DTNBP1: variants seen among roughly 807,000 people sequenced by gnomAD.
DTNBP1 encodes the protein dystrobrevin binding protein 1.
In DTNBP1, 35 loss-of-function variants were observed where a neutral mutation model predicts 42.8. That is an observed-to-expected ratio of 0.82 (90% CI 0.63 to 1.09). The LOEUF is 1.09. Ranked by LOEUF, DTNBP1 falls within the 50% of genes least tolerant of loss-of-function variation. DTNBP1 has a pLI of 0.00. For missense variants in DTNBP1, 457 were observed against 424.2 expected (o/e 1.08, Z -0.68); for synonymous variants, 171 against 162.2 (o/e 1.05, Z -0.41).
chr6:15,579,692 C>G (rs12210505), intron 7 of DTNBP1: 38,071 of 264,818 alleles, frequency 0.14, 3,208 homozygotes, highest in East Asian at 0.3. Flanking sequence ...GTAATCCCAG[C>G]TATTTGGGAG....
At position 15,630,267 on chromosome 6, in the gene DTNBP1, G is replaced by A. The variant is rs148263609; in HGVS notation, c.223-2792C>T. On this transcript the variant is annotated intron_variant, in intron 4 of 9. Transcript: ENST00000344537. ...AAGTTTGATAAGCAGAATAAGTAGTGTTAAGCCATTTTATAGATGAGAAAA... is the reference window on the plus strand; with the variant it reads ...AAGTTTGATAAGCAGAATAAGTAGTATTAAGCCATTTTATAGATGAGAAAA... Among the ~76,000 whole-genome samples, 293 of 152,278 alleles carry A rather than the reference G, an allele frequency of 1.9e-3. 4 individuals are homozygous for A. The Middle Eastern group carries it at 0.024, about 12-fold the overall frequency.
At chr6:15,554,201 T>A (rs1046187030) in intron 7 of DTNBP1, among the ~76,000 whole-genome samples, 1 of 152,192 alleles carries the variant, frequency 6.6e-6, no homozygotes, top group African/African-American at 2.4e-5. Flanking sequence ...AAGGCTCCCA[T>A]GTCACATAAA....
chr6:15,611,373 A>G (rs1412608713), intron 6 of DTNBP1, among the ~76,000 whole-genome samples: 1 of 152,318 alleles, frequency 6.6e-6, no homozygotes, highest in East Asian at 1.9e-4. Context: ...GCTCCTTGAC[A>G]ATGCACCTGG....
chr6:15,592,310 T>C (rs1776331505), intron 7 of DTNBP1, among the ~76,000 whole-genome samples: 1 of 152,236 alleles, frequency 6.6e-6, no homozygotes, highest in South Asian at 2.1e-4. Flanking sequence ...CAAAAAGTTT[T>C]CTCAGTTATT....
intron 3 of DTNBP1, among the ~76,000 whole-genome samples, chr6:15,646,378 G>A (rs1049151253): frequency 6.6e-6 from 1 of 150,640 alleles, no homozygotes; most frequent in African/African-American, 2.4e-5. Flanking sequence ...TAGATGACAC[G>A]AATGGAAAAA....
intron 5 of DTNBP1, among the ~76,000 whole-genome samples, chr6:15,618,531 T>TAA (rs202049957): frequency 6.8e-4 from 90 of 131,758 alleles, no homozygotes; most frequent in African/African-American, 1.2e-3. Context: ...CCCCTAAAAC[T>TAA]AAAAAAAAAA....
Position 15,565,033 on chromosome 6 carries a change from G to C in DTNBP1, c.511+28026C>G, listed in dbSNP as rs1043976491. On this transcript the variant is annotated intron_variant, in intron 7 of 9. Transcript: ENST00000344537. ...AGGTCGGGGGATCACTTGAGCTCAG[G>C]AGCTTAAGGCTTCAGTGAGCAGAGA... is the stretch of plus-strand genomic sequence containing the variant. 2.0e-5 allele frequency among the ~76,000 whole-genome samples: 3 copies of C among 152,148 alleles called. No individual in the cohort carries two copies. In the East Asian group the frequency reaches 5.8e-4, roughly 29 times the overall value.
intron 7 of DTNBP1, among the ~76,000 whole-genome samples, chr6:15,576,993 C>T (rs746028599): frequency 1.3e-5 from 2 of 151,788 alleles, no homozygotes; most frequent in African/African-American, 4.8e-5. Context: ...ACATTTTAGA[C>T]AAAAAAGAGG....
At chr6:15,548,516 G>A (rs932723502) in intron 7 of DTNBP1, among the ~76,000 whole-genome samples, 1 of 150,886 alleles carries the variant, frequency 6.6e-6, no homozygotes, top group African/African-American at 2.4e-5. Context: ...CATTTGGAAG[G>A]CAGGAAGGAC....
chr6:15,661,407 C>T (rs962610683), intron 1 of DTNBP1, among the ~76,000 whole-genome samples: 1 of 152,048 alleles, frequency 6.6e-6, no homozygotes, highest in African/African-American at 2.4e-5. Context: ...CGCCTGTAAT[C>T]CCAGCACTTT....
At chr6:15,555,790 G>C (rs563890228) in intron 7 of DTNBP1, among the ~76,000 whole-genome samples, 1 of 152,246 alleles carries the variant, frequency 6.6e-6, no homozygotes, top group African/African-American at 2.4e-5. Context: ...GTAGCCCTTG[G>C]GGCTGCTCTA....
chr6:15,660,022 T>C (rs1029848847), intron 1 of DTNBP1, among the ~76,000 whole-genome samples: 2 of 152,160 alleles, frequency 1.3e-5, no homozygotes, highest in African/African-American at 4.8e-5. Flanking sequence ...TTTAAACAGA[T>C]TTAATGTGTG....
At chr6:15,640,189 C>T (rs752272009) in intron 3 of DTNBP1, among the ~76,000 whole-genome samples, 9 of 152,168 alleles carry the variant, frequency 5.9e-5, no homozygotes, top group Non-Finnish European at 1.2e-4. Context: ...GCCTTAGCTG[C>T]CAATCAGCAC....
At chr6:15,539,028 C>G (rs527667991) in intron 7 of DTNBP1, among the ~76,000 whole-genome samples, 2 of 152,160 alleles carry the variant, frequency 1.3e-5, no homozygotes, top group Non-Finnish European at 2.9e-5. Flanking sequence ...CTCTCAACTC[C>G]GGAGTCCAGC....
chr6:15,594,821 T>C (rs1776441868), intron 6 of DTNBP1, among the ~76,000 whole-genome samples: 1 of 152,276 alleles, frequency 6.6e-6, no homozygotes, highest in East Asian at 1.9e-4. Flanking sequence ...TCTTTTAGAA[T>C]GTGTGACTGT....
At chr6:15,575,275 CAA>C (rs1185549982) in intron 7 of DTNBP1, among the ~76,000 whole-genome samples, 1 of 152,150 alleles carries the variant, frequency 6.6e-6, no homozygotes, top group Non-Finnish European at 1.5e-5. Context: ...TAATACAAGA[CAA>C]AATCCTCTGA....
At chr6:15,623,061 T>C (rs1292489909) in intron 5 of DTNBP1, among the ~76,000 whole-genome samples, 2 of 152,208 alleles carry the variant, frequency 1.3e-5, no homozygotes, top group African/African-American at 2.4e-5. Context: ...AAGGTAATGA[T>C]GGTATGAATA....
chr6:15,615,338 A>G lies in DTNBP1; in HGVS notation c.417T>C (p.Cys139=). 1 of 1,614,136 alleles carries G rather than the reference A, an allele frequency of 6.2e-7. No homozygotes were observed. The highest frequency in any genetic ancestry group is 8.5e-7 in the Non-Finnish European group (1 of 1,180,014). The part of the protein sequence containing the change: ...ENNLLHLEDL[C]GQCELERCKH... ...TGCATCTTTCTAATTCACACTGCCC[A>G]CATAAGTCTTCCAGATGCAGCAGGT... The change falls in exon 6 of 10, where the codon TGT becomes TGC. Residue 139 remains cysteine (C), a synonymous_variant. Transcript: ENST00000344537.
At position 15,532,085 on chromosome 6, in the gene DTNBP1, G is replaced by C. The variant is rs529460659; in HGVS notation, c.667+1155C>G. On this transcript the variant is annotated intron_variant, in intron 8 of 9. Coordinates refer to ENST00000344537, the MANE Select transcript of DTNBP1 (RefSeq NM_032122.5). Reference sequence around the variant, plus strand: ...GGAAAGGATGAAGGCTGAGATTTGGGGGGTGAGGGAGGTGTCCAGAAGATG... The same window carrying C: ...GGAAAGGATGAAGGCTGAGATTTGGCGGGTGAGGGAGGTGTCCAGAAGATG... 7.9e-5 allele frequency among the ~76,000 whole-genome samples: 12 copies of C among 152,320 alleles called. No individual in the cohort carries two copies. In the South Asian group the frequency reaches 2.3e-3, roughly 29 times the overall value.
Sources: allele counts gnomAD v4.1 joint callset (sites outside exome capture counted in the v4.1 genomes callset), GRCh38; gene constraint gnomAD v4.1.1; transcripts MANE v1.5; gene names NCBI Gene and HGNC (gene_info 2026-07-23, HGNC 2026-07-21).